Variants in LOC400499 observed in about 807,000 individuals in gnomAD.
chr16:11,482,585 A>G, the LOC400499 span, among the ~76,000 whole-genome samples: 1 of 152,212 alleles, frequency 6.6e-6, no homozygotes, highest in Non-Finnish European at 1.5e-5. Flanking sequence ...TCTGAGTTAC[A>G]TATCTGATGA....
chr16:11,396,739 C>T, the LOC400499 span: 14 of 1,198,330 alleles, frequency 1.2e-5, no homozygotes, highest in Non-Finnish European at 1.5e-5. Flanking sequence ...CTCCCCAGTC[C>T]CCTGCACCGA....
At chr16:11,415,955 G>GTT in the LOC400499 span, among the ~76,000 whole-genome samples, 3 of 81,360 alleles carry the variant, frequency 3.7e-5, no homozygotes, top group African/African-American at 7.8e-5. Context: ...TGCTGTTGTT[G>GTT]TTTTGTTTTT....
chr16:11,498,841 C>T, the LOC400499 span, among the ~76,000 whole-genome samples: 32 of 151,550 alleles, frequency 2.1e-4, no homozygotes, highest in East Asian at 5.2e-3. Context: ...CCTCCGCACA[C>T]ACCATACAAT....
chr16:11,482,214 A>G, the LOC400499 span, among the ~76,000 whole-genome samples: 3 of 152,186 alleles, frequency 2.0e-5, no homozygotes, highest in Admixed American at 6.5e-5. Flanking sequence ...GATGAGCTCA[A>G]CTTCCTGCCT....
At chr16:11,521,884 G>C in the LOC400499 span, 1 of 398,732 alleles carries the variant, frequency 2.5e-6, no homozygotes, top group Non-Finnish European at 4.4e-6. Flanking sequence ...TTGGAGGTAA[G>C]GGGCTGTGGC....
the LOC400499 span, chr16:11,390,044 C>T: frequency 5.9e-4 from 654 of 1,100,542 alleles, 1 homozygote; most frequent in Admixed American, 7.2e-4. Context: ...TCAAAGCATT[C>T]AGCACTGCAC....
the LOC400499 span, among the ~76,000 whole-genome samples, chr16:11,397,886 C>T: frequency 6.6e-6 from 1 of 151,056 alleles, no homozygotes; most frequent in South Asian, 2.1e-4. Flanking sequence ...GGCAGATATA[C>T]GGGGATGGAT....
At chr16:11,435,829 T>C in the LOC400499 span, 4 of 399,038 alleles carry the variant, frequency 1.0e-5, no homozygotes, top group Non-Finnish European at 1.8e-5. Context: ...TTTGCACAGA[T>C]AGAGACCCGT....
At chr16:11,444,558 G>C in the LOC400499 span, among the ~76,000 whole-genome samples, 48 of 152,306 alleles carry the variant, frequency 3.2e-4, no homozygotes, top group Middle Eastern at 3.4e-3. Context: ...GAGTGAACAA[G>C]ACCTGAACCA....
At chr16:11,383,110 G>A in the LOC400499 span, among the ~76,000 whole-genome samples, 8 of 151,034 alleles carry the variant, frequency 5.3e-5, no homozygotes, top group African/African-American at 1.7e-4. Context: ...CTGTTGCCCA[G>A]GCTAGAGTGC....
At chr16:11,449,324 C>T in the LOC400499 span, among the ~76,000 whole-genome samples, 11 of 152,180 alleles carry the variant, frequency 7.2e-5, no homozygotes, top group African/African-American at 2.7e-4. Flanking sequence ...GTTGCCCCAA[C>T]CCTGAGCAGA....
the LOC400499 span, chr16:11,508,938 C>G: frequency 2.5e-6 from 1 of 397,592 alleles, no homozygotes; most frequent in Non-Finnish European, 4.4e-6. Flanking sequence ...TCGCCCCCAC[C>G]CCCTCCAGTG....
At chr16:11,376,209 G>C in the LOC400499 span, among the ~76,000 whole-genome samples, 55 of 151,972 alleles carry the variant, frequency 3.6e-4, no homozygotes, top group Admixed American at 3.3e-3. Flanking sequence ...CAGTTTGTCT[G>C]TTTCTCCTTT....
At chr16:11,439,509 T>C in the LOC400499 span, 5 of 398,950 alleles carry the variant, frequency 1.3e-5, no homozygotes, top group Non-Finnish European at 2.2e-5. Context: ...GGAGGAAATG[T>C]TGGTCCGTGA....
At chr16:11,393,272 G>T in the LOC400499 span, 1 of 771,302 alleles carries the variant, frequency 1.3e-6, no homozygotes, top group Non-Finnish European at 1.7e-6. Context: ...AGGATTACAG[G>T]TATGAGCCCC....
At chr16:11,523,286 T>G in the LOC400499 span, 4 of 397,344 alleles carry the variant, frequency 1.0e-5, no homozygotes, top group African/African-American at 8.2e-5. Context: ...AACTGGTATC[T>G]TTGGGAGCAT....
At chr16:11,476,069 C>T in the LOC400499 span, among the ~76,000 whole-genome samples, 25,874 of 151,328 alleles carry the variant, frequency 0.17, 2,341 homozygotes, top group Non-Finnish European at 0.19. Flanking sequence ...AGACAGAGGG[C>T]ACAGCAGGTG....
At chr16:11,437,284 G>C in the LOC400499 span, among the ~76,000 whole-genome samples, 7 of 152,216 alleles carry the variant, frequency 4.6e-5, no homozygotes, top group Non-Finnish European at 8.8e-5. Context: ...GGCTGGCAGG[G>C]CACGATGACT....
At chr16:11,411,709 T>C in the LOC400499 span, among the ~76,000 whole-genome samples, 37,388 of 151,998 alleles carry the variant, frequency 0.25, 4,764 homozygotes, top group East Asian at 0.36. Context: ...TGAGCTTTCT[T>C]GGGTTGGTCC....
Sources: allele counts gnomAD v4.1 joint callset (sites outside exome capture counted in the v4.1 genomes callset), GRCh38; gene constraint gnomAD v4.1.1; transcripts MANE v1.5.